The following GLIS3 variants were observed in gnomAD, a reference collection of about 807,000 sequenced individuals.
The protein encoded by GLIS3 is zinc finger protein GLIS3.
In GLIS3, 53 loss-of-function variants were observed where a neutral mutation model predicts 78.6. The ratio of observed to expected loss-of-function variants is 0.67; its 90% CI spans 0.54 to 0.85. The LOEUF is 0.85. GLIS3 is among the 40% of genes least tolerant of loss of function. The probability of loss-of-function intolerance (pLI) is 0.00; values close to 1 mark genes in which losing one functional copy is unlikely to be tolerated. For synonymous variants in GLIS3, 684 were observed against 509.9 expected (o/e 1.34, Z -4.60); for missense variants, 1,703 against 1,231.1 (o/e 1.38, Z -5.74).
chr9:4,438,837 C>A, the GLIS3 span, among the ~76,000 whole-genome samples: 2 of 152,194 alleles, frequency 1.3e-5, no homozygotes, highest in African/African-American at 2.4e-5. Flanking sequence ...ACTCCCCAAC[C>A]ACATGGAACT....
At chr9:4,075,512 C>A (rs533596847) in intron 4 of GLIS3, among the ~76,000 whole-genome samples, 1 of 152,014 alleles carries the variant, frequency 6.6e-6, no homozygotes, top group South Asian at 2.1e-4. Flanking sequence ...GGAGGCGGAG[C>A]TGGCTGTGAG....
chr9:4,375,709 G>T, the GLIS3 span, among the ~76,000 whole-genome samples: 2 of 152,164 alleles, frequency 1.3e-5, no homozygotes, highest in Admixed American at 6.5e-5. Context: ...TAAAATATGT[G>T]CACATAAAAC....
At chr9:4,314,880 C>T (rs1216053323) in intron 2 of GLIS3, among the ~76,000 whole-genome samples, 1 of 152,194 alleles carries the variant, frequency 6.6e-6, no homozygotes, top group Non-Finnish European at 1.5e-5. Flanking sequence ...CCCAGCGAAC[C>T]CTGCTGTTAG....
chr9:4,414,386 C>G, the GLIS3 span, among the ~76,000 whole-genome samples: 1 of 152,190 alleles, frequency 6.6e-6, no homozygotes, highest in Admixed American at 6.5e-5. Context: ...AATTAAACTT[C>G]AAATCCTAGG....
intron 7 of GLIS3, among the ~76,000 whole-genome samples, chr9:3,885,122 G>C (rs1211735151): frequency 6.6e-6 from 1 of 152,206 alleles, no homozygotes. Context: ...GAATTATTTG[G>C]TTTAGAAAGC....
the GLIS3 span, among the ~76,000 whole-genome samples, chr9:4,489,634 T>G: frequency 6.6e-6 from 1 of 152,168 alleles, no homozygotes; most frequent in Non-Finnish European, 1.5e-5. Flanking sequence ...TAACCTAGTT[T>G]CTCCTGTGTT....
At chr9:3,859,502 A>G (rs1454090931) in intron 8 of GLIS3, among the ~76,000 whole-genome samples, 2 of 152,234 alleles carry the variant, frequency 1.3e-5, no homozygotes, top group Non-Finnish European at 2.9e-5. Flanking sequence ...GCTAAAATAA[A>G]CAAAACATTG....
chr9:4,018,694 C>G (rs1462867047), intron 4 of GLIS3, among the ~76,000 whole-genome samples: 1 of 152,124 alleles, frequency 6.6e-6, no homozygotes, highest in East Asian at 1.9e-4. Context: ...CCCTTAGGAA[C>G]AGCTTTGTCA....
At position 3,937,029 on chromosome 9, in the gene GLIS3, G is replaced by A. The variant is rs997288982; in HGVS notation, c.1871C>T (p.Thr624Ile). ...CTGGAAAGCTCCTGCCATTCTTACG[G>A]TGTCCAGATGCGTCCGCTGGTGTTT... ...RAKHQRTHLD[T>I]KPYACQIPGC... Residue 624 changes from threonine to isoleucine, a missense_variant and splice_region_variant, in exon 5 of 11, where the codon ACC (threonine) becomes ATC (isoleucine). Physicochemically the swap from Thr to Ile is moderately conservative, Grantham distance 89. Transcript: ENST00000381971. 6.2e-7 allele frequency: 1 copy of A among 1,612,560 alleles called. No homozygotes were observed. Among genetic ancestry groups the A allele is most frequent in the African/African-American group, 1.3e-5 (1 of 74,962 alleles).
intron 2 of GLIS3, among the ~76,000 whole-genome samples, chr9:4,269,219 T>C (rs999492088): frequency 1.3e-5 from 2 of 152,200 alleles, no homozygotes; most frequent in African/African-American, 4.8e-5. Flanking sequence ...TTCTTCCACT[T>C]GAGATTTGTG....
At chr9:3,867,402 A>C (rs1440893941) in intron 8 of GLIS3, among the ~76,000 whole-genome samples, 1 of 152,250 alleles carries the variant, frequency 6.6e-6, no homozygotes, top group East Asian at 1.9e-4. Context: ...TAGTGAGAGA[A>C]GAAAGTTCAT....
intron 9 of GLIS3, among the ~76,000 whole-genome samples, chr9:3,830,458 C>T (rs991088553): frequency 1.3e-5 from 2 of 152,194 alleles, no homozygotes; most frequent in Admixed American, 6.5e-5. Flanking sequence ...GTGTCTGTCT[C>T]CTCAACCGTA....
chr9:4,121,822 C>A (rs1046881649), intron 3 of GLIS3, among the ~76,000 whole-genome samples: 1 of 152,212 alleles, frequency 6.6e-6, no homozygotes, highest in African/African-American at 2.4e-5. Context: ...TAAAGTCACA[C>A]AAGCTACGAT....
intron 4 of GLIS3, among the ~76,000 whole-genome samples, chr9:4,063,099 C>A (rs1826795788): frequency 6.6e-6 from 1 of 150,758 alleles, no homozygotes; most frequent in Admixed American, 6.6e-5. Context: ...CAAAAAAAAA[C>A]AATGCACAAA....
At chr9:4,048,776 G>A (rs1825465374) in intron 4 of GLIS3, among the ~76,000 whole-genome samples, 1 of 152,176 alleles carries the variant, frequency 6.6e-6, no homozygotes, top group Admixed American at 6.5e-5. Flanking sequence ...CAGGTGACTA[G>A]GCCTAGCCTA....
chr9:4,235,690 G>A (rs1822667324), intron 2 of GLIS3, among the ~76,000 whole-genome samples: 1 of 151,986 alleles, frequency 6.6e-6, no homozygotes, highest in Non-Finnish European at 1.5e-5. Flanking sequence ...AAACTCCATC[G>A]GGGCACTGAA....
chr9:4,113,100 T>C (rs573772660), intron 4 of GLIS3, among the ~76,000 whole-genome samples: 1 of 152,182 alleles, frequency 6.6e-6, no homozygotes, highest in African/African-American at 2.4e-5. Context: ...ATACTATATA[T>C]ACCCTTTTGC....
intron 7 of GLIS3, among the ~76,000 whole-genome samples, chr9:3,895,665 G>A (rs1822777994): frequency 6.6e-6 from 1 of 152,216 alleles, no homozygotes; most frequent in Non-Finnish European, 1.5e-5. Context: ...TTCAGGAGAA[G>A]TGCAAGACTT....
chr9:4,357,480 C>T, the GLIS3 span, among the ~76,000 whole-genome samples: 3 of 152,080 alleles, frequency 2.0e-5, no homozygotes, highest in Admixed American at 2.0e-4. Flanking sequence ...CAGACTTTAT[C>T]CCATAAACTC....
Sources: gnomAD v4.1 joint callset for allele counts (sites outside exome capture counted in the v4.1 genomes callset) on GRCh38, gnomAD v4.1.1 for gene constraint, MANE v1.5 for transcripts, NCBI Gene and HGNC (gene_info 2026-07-23, HGNC 2026-07-21) for gene names.